CCNF: variants seen among roughly 807,000 people sequenced by gnomAD.
CCNF encodes cyclin-F.
In CCNF, 30 loss-of-function variants were observed where a neutral mutation model predicts 85.4. The observed-to-expected ratio is 0.35, with a 90% CI of 0.26 to 0.48. The LOEUF (loss-of-function observed/expected upper bound fraction) is 0.48. Ranked by LOEUF, CCNF falls within the 20% of genes least tolerant of loss-of-function variation. The probability of loss-of-function intolerance (pLI) is 0.99; values close to 1 mark genes in which losing one functional copy is unlikely to be tolerated. For missense variants in CCNF, 919 were observed against 1,010.4 expected, an observed-to-expected ratio of 0.91 and a Z score of 1.23; for synonymous variants, 439 against 425.1, an observed-to-expected ratio of 1.03 and a Z score of -0.40.
In CCNF at chr16:2,457,147, C is replaced by A; in HGVS notation, c.*127C>A. 1 of 686,292 alleles carries A rather than the reference C, an allele frequency of 1.5e-6. No homozygotes were observed. The highest frequency in any genetic ancestry group is 2.4e-6 in the Non-Finnish European group (1 of 422,010). The allele number at this position is 686,292 out of a possible 1,614,324, so 42.5% of individuals were successfully genotyped here. A position where few individuals can be genotyped will look rare whatever the true frequency, so the allele number is the denominator to read the frequency against. ...CGCAGAGAGCAGAGAGGATGACTTGCGGCCACCAAGTTTCTGTCTCCGCGG... is the reference window on the plus strand; with the variant it reads ...CGCAGAGAGCAGAGAGGATGACTTGAGGCCACCAAGTTTCTGTCTCCGCGG... On this transcript the variant is annotated 3_prime_UTR_variant, in exon 17 of 17. Transcript: ENST00000397066.
chr16:2,451,780 G>C lies in CCNF; in HGVS notation c.1488-1430G>C, dbSNP rs2065396659. Among the ~76,000 whole-genome samples, 1 of 152,168 alleles carries C rather than the reference G, an allele frequency of 6.6e-6. No individual in the cohort carries two copies. The highest frequency in any genetic ancestry group is 2.4e-5 in the African/African-American group (1 of 41,444). On this transcript the variant is annotated intron_variant, in intron 13 of 16. Coordinates refer to ENST00000397066, the MANE Select transcript of CCNF (RefSeq NM_001761.3). The surrounding 1 kb of genome is among the most constrained non-coding windows in gnomAD (Gnocchi z 4.3). ...TCGGGGGCTTCGGCTTCCTGCCCTA[G>C]GCCATGCGGCCTAGGTGTTGGTCTC...
In CCNF at chr16:2,455,545, G is replaced by C. The variant is rs1233772088; in HGVS notation, c.1866G>C (p.Glu622Asp). ...GCTATGAAGGCGACCAGGAGAGTGAGGGCGAGAAGGAGGGCGACGGTGAGT... is the reference window on the plus strand; with the variant it reads ...GCTATGAAGGCGACCAGGAGAGTGACGGCGAGAAGGAGGGCGACGGTGAGT... ...CSGYEGDQESEGEKEGDVTAP... is the reference protein window; with the variant it reads ...CSGYEGDQESDGEKEGDVTAP... The change falls in exon 16 of 17, where the codon GAG becomes GAC. Residue 622 changes from glutamate (E) to aspartate (D), a missense_variant. By Grantham distance (45) the Glu-to-Asp change is conservative. Coordinates refer to ENST00000397066, the MANE Select transcript of CCNF (RefSeq NM_001761.3). 1.3e-6 allele frequency: 2 copies of C among 1,598,694 alleles called. No individual in the cohort carries two copies. Among genetic ancestry groups the C allele is most frequent in the Non-Finnish European group, 1.7e-6 (2 of 1,167,504 alleles).
chr16:2,429,585 G>A, intron 1 of CCNF, 88 bp downstream of exon 1: 1 of 1,157,256 alleles, frequency 8.6e-7, no homozygotes, highest in Non-Finnish European at 1.1e-6. Context: ...CGGGAGGGGA[G>A]GCCCTGGCGG....
At chr16:2,432,254 A>T (rs1335095821) in intron 2 of CCNF, among the ~76,000 whole-genome samples, 2 of 152,164 alleles carry the variant, frequency 1.3e-5, no homozygotes, top group Non-Finnish European at 2.9e-5. Context: ...GGACTCTAGG[A>T]GTTATTTTCT....
At chr16:2,438,288 G>C (rs2065302288) in intron 6 of CCNF, among the ~76,000 whole-genome samples, 165 bp downstream of exon 6, 1 of 152,162 alleles carries the variant, frequency 6.6e-6, no homozygotes, top group Non-Finnish European at 1.5e-5. Flanking sequence ...TGTGGGCCTG[G>C]CCACGGGCTC....
chr16:2,448,892 G>T lies in CCNF; in HGVS notation c.1132G>T (p.Val378Leu), dbSNP rs776287774. Residue 378 changes from valine (V) to leucine (L), a missense_variant, in exon 11 of 17, where the codon GTA becomes TTA. Physicochemically the swap from Val to Leu is conservative, Grantham distance 32. Coordinates refer to ENST00000397066, the MANE Select transcript of CCNF (RefSeq NM_001761.3). ...AGAGATCCTGACCATCCGGGAGGCC[G>T]TATGGCTCACGGACAACACTTACAA... ...SKEILTIREA[V>L]WLTDNTYKYE... 1 of 1,613,488 alleles carries T rather than the reference G, an allele frequency of 6.2e-7. No individual in the cohort carries two copies. Among genetic ancestry groups the T allele is most frequent in the Non-Finnish European group, 8.5e-7 (1 of 1,179,364 alleles).
chr16:2,439,595 GGTCA>G, intron 7 of CCNF, 138 bp downstream of exon 7: 1 of 893,380 alleles, frequency 1.1e-6, no homozygotes, highest in Non-Finnish European at 1.8e-6. Context: ...GGGAACCACT[GGTCA>G]GTCGGCTATT....
intron 10 of CCNF, 47 bp downstream of exon 10, chr16:2,445,669 C>T: frequency 1.3e-6 from 2 of 1,578,382 alleles, no homozygotes; most frequent in South Asian, 1.1e-5. Flanking sequence ...CTGGCCTTTC[C>T]CGGGTTCAGG....
intron 3 of CCNF, among the ~76,000 whole-genome samples, chr16:2,435,313 C>G (rs1273851575): frequency 1.3e-5 from 2 of 150,576 alleles, no homozygotes; most frequent in Non-Finnish European, 3.0e-5. Flanking sequence ...CATGATGGCT[C>G]AAGCCTATAA....
At position 2,449,808 on chromosome 16, in the gene CCNF, T is replaced by TCCACCCCG; in HGVS notation, c.1400-20_1400-19insCCACCCCG. 3.5e-6 allele frequency: 1 copy of TCCACCCCG among 289,018 alleles called. No individual in the cohort carries two copies. Among genetic ancestry groups the TCCACCCCG allele is most frequent in the Non-Finnish European group, 5.4e-6 (1 of 185,260 alleles). 17.9% of individuals were successfully genotyped at this position (289,018 alleles called of 1,614,324 possible). ...CCGTCCCCTCCATCCCCTCCACCCC[T>TCCACCCCG]GGCCTGCTTTCCTCCCCAGCACAGC... is the stretch of plus-strand genomic sequence containing the variant. On this transcript the variant is annotated intron_variant, in intron 12 of 16. Transcript: ENST00000397066.
At position 2,437,223 on chromosome 16, in the gene CCNF, T is replaced by C. The variant is rs200540114; in HGVS notation, c.441T>C (p.Pro147=). 1.1e-4 allele frequency: 181 copies of C among 1,612,922 alleles called. No individual in the cohort carries two copies. Among genetic ancestry groups the C allele is most frequent in the African/African-American group, 2.7e-5 (2 of 74,948 alleles). Residue 147 remains proline (P), a synonymous_variant, in exon 5 of 17, where the codon CCT becomes CCC. Coordinates refer to ENST00000397066, the MANE Select transcript of CCNF (RefSeq NM_001761.3). ...AGCGGCTGAATGTGGGTGCCGCACCTTTCATCTGGCTCTTCATCCGCCCTC... is the reference window on the plus strand; with the variant it reads ...AGCGGCTGAATGTGGGTGCCGCACCCTTCATCTGGCTCTTCATCCGCCCTC... ...LAERLNVGAA[P]FIWLFIRPPW...
intron 3 of CCNF, among the ~76,000 whole-genome samples, chr16:2,434,308 A>G (rs1337961705): frequency 6.6e-6 from 1 of 151,708 alleles, no homozygotes; most frequent in South Asian, 2.1e-4. Context: ...TGTCTCAAAA[A>G]AATAATAATA....
intron 1 of CCNF, among the ~76,000 whole-genome samples, chr16:2,429,945 A>G (rs1169180115): frequency 6.6e-6 from 1 of 152,172 alleles, no homozygotes; most frequent in Admixed American, 6.5e-5. Context: ...CTCTGTGGAA[A>G]GCAGCGTTCG....
Position 2,443,807 on chromosome 16 carries a change from C to T in CCNF, c.929+7C>T, listed in dbSNP as rs147684222. On this transcript the variant is annotated splice_region_variant and intron_variant, in intron 9 of 16. Coordinates refer to ENST00000397066, the MANE Select transcript of CCNF (RefSeq NM_001761.3). ...GACTCAATGACACAATGAGGTGAGG[C>T]ATTCAGGCCGGGGCTTCTAATCAGA... The T allele has an allele frequency of 6.2e-7, 1 of 1,613,768 alleles. No homozygotes were observed. Among genetic ancestry groups the T allele is most frequent in the South Asian group, 1.1e-5 (1 of 91,070 alleles).
At position 2,435,788 on chromosome 16, in the gene CCNF, A is replaced by G. The variant is rs1183248663; in HGVS notation, c.279-18A>G. 14 of 1,606,936 alleles carry G rather than the reference A, an allele frequency of 8.7e-6. No homozygotes were observed. The highest frequency in any genetic ancestry group is 1.7e-5 in the Admixed American group (1 of 59,868). On this transcript the variant is annotated intron_variant, in intron 3 of 16. Coordinates refer to ENST00000397066, the MANE Select transcript of CCNF (RefSeq NM_001761.3). ...GTGGCATAAAATATTGTGATGCTTT[A>G]TGTTCTTAATGTTTCAGGGCTGCTG...
intron 3 of CCNF, 140 bp from the exon 4 acceptor site, chr16:2,435,666 C>CATATATATATATATATAT (rs71148135): frequency 7.1e-5 from 3 of 42,302 alleles, no homozygotes; most frequent in Non-Finnish European, 3.7e-5. Flanking sequence ...CACACACACA[C>CATATATATATATATATAT]ATATATATAT....
chr16:2,449,740 T>C (rs1219743566), intron 12 of CCNF, 88 bp from the exon 13 acceptor site: 1 of 901,534 alleles, frequency 1.1e-6, no homozygotes, highest in Admixed American at 1.7e-5. Flanking sequence ...GCGGGAGTGT[T>C]CAGGCGGCTG....
chr16:2,445,647 G>A lies in CCNF; in HGVS notation c.1094+25G>A. 3 of 1,605,238 alleles carry A rather than the reference G, an allele frequency of 1.9e-6. 1 individual carries two copies. In the South Asian group the frequency reaches 3.3e-5, roughly 18 times the overall value. On this transcript the variant is annotated intron_variant, in intron 10 of 16. Coordinates refer to ENST00000397066, the MANE Select transcript of CCNF (RefSeq NM_001761.3). ...GGTGAGAAGCCCCCTTGGCCCAGCTGGCAGGGACGTGCTGGCCTTTCCCGG... is the reference window on the plus strand; with the variant it reads ...GGTGAGAAGCCCCCTTGGCCCAGCTAGCAGGGACGTGCTGGCCTTTCCCGG...
Position 2,457,992 on chromosome 16 carries a change from G to A in CCNF, c.*972G>A, listed in dbSNP as rs1401575748. On this transcript the variant is annotated 3_prime_UTR_variant, in exon 17 of 17. Coordinates refer to ENST00000397066, the MANE Select transcript of CCNF (RefSeq NM_001761.3). ...AGCAGTCGGGGGCCGTGTCCTGGCT[G>A]ATCCCAACTGCAGCTCTGCTGTGGG... 6.6e-6 allele frequency: 1 copy of A among 152,264 alleles called. No homozygotes were observed. The highest frequency in any genetic ancestry group is 6.5e-5 in the Admixed American group (1 of 15,274). The allele number at this position is 152,264 out of a possible 1,614,324, so 9.4% of individuals were successfully genotyped here.
Sources: gnomAD v4.1 joint callset for allele counts (sites outside exome capture counted in the v4.1 genomes callset) on GRCh38, gnomAD v4.1.1 for gene constraint, Gnocchi (gnomAD v3.1) non-coding constraint, MANE v1.5 for transcripts, NCBI Gene and HGNC (gene_info 2026-07-23, HGNC 2026-07-21) for gene names.